The following MALRD1 variants were observed in gnomAD, a reference collection of about 807,000 sequenced individuals.
The protein encoded by MALRD1 is MAM and LDL receptor class A domain containing 1.
Under a neutral mutation model 242.1 loss-of-function variants are expected in MALRD1, and 247 were observed. The observed-to-expected ratio is 1.02, with a 90% CI of 0.92 to 1.13. The LOEUF (loss-of-function observed/expected upper bound fraction) is 1.13, where lower values mean the gene tolerates loss of function less well. MALRD1 is among the 50% of genes most tolerant of loss of function. The pLI is 0.00. For missense variants in MALRD1, 2,989 were observed against 2,533.1 expected (o/e 1.18, Z -3.86); for synonymous variants, 995 against 866.6 (o/e 1.15, Z -2.60).
intron 32 of MALRD1, among the ~76,000 whole-genome samples, chr10:19,537,144 G>A (rs149116890): frequency 1.5e-3 from 224 of 152,302 alleles, no homozygotes; most frequent in African/African-American, 4.8e-3. Context: ...TTATGACCTT[G>A]TACATGATAA....
intron 14 of MALRD1, among the ~76,000 whole-genome samples, chr10:19,187,601 C>A (rs1424558548): frequency 6.6e-6 from 1 of 152,036 alleles, no homozygotes; most frequent in Non-Finnish European, 1.5e-5. Context: ...GGAAGAGCAG[C>A]CCACCTAGAG....
At chr10:19,248,401 A>T (rs968456146) in intron 18 of MALRD1, among the ~76,000 whole-genome samples, 3 of 148,866 alleles carry the variant, frequency 2.0e-5, no homozygotes, top group Non-Finnish European at 3.0e-5. Flanking sequence ...GAAAAAAAAA[A>T]AATAAAGTGT....
intron 32 of MALRD1, among the ~76,000 whole-genome samples, chr10:19,544,820 G>A (rs1835140761): frequency 6.6e-6 from 1 of 151,942 alleles, no homozygotes; most frequent in Non-Finnish European, 1.5e-5. Context: ...TCAATTCACA[G>A]TATGTTATCA....
At chr10:19,590,085 G>A (rs914013735) in intron 33 of MALRD1, among the ~76,000 whole-genome samples, 3 of 151,940 alleles carry the variant, frequency 2.0e-5, no homozygotes, top group Non-Finnish European at 4.4e-5. Context: ...GGACCAATGT[G>A]CTTTATCAAG....
intron 32 of MALRD1, among the ~76,000 whole-genome samples, chr10:19,566,188 G>C (rs370048689): frequency 2.0e-4 from 31 of 151,898 alleles, no homozygotes; most frequent in African/African-American, 7.2e-4. Flanking sequence ...GAATGCAGTG[G>C]CATGATCTCC....
intron 26 of MALRD1, among the ~76,000 whole-genome samples, chr10:19,355,859 T>TATATATATATATATATACATAC (rs1348787430): frequency 5.5e-5 from 1 of 18,262 alleles, no homozygotes; most frequent in Non-Finnish European, 8.7e-5. Context: ...ATATATATAT[T>TATATATATATATATATACATAC]ATATATGATA....
chr10:19,051,237 T>G (rs2131196317), intron 1 of MALRD1, among the ~76,000 whole-genome samples: 1 of 152,210 alleles, frequency 6.6e-6, no homozygotes, highest in Admixed American at 6.5e-5. Flanking sequence ...ATGGCTAAAC[T>G]TATAGATTAG....
intron 7 of MALRD1, among the ~76,000 whole-genome samples, chr10:19,126,711 A>G (rs930045743): frequency 6.7e-6 from 1 of 149,888 alleles, no homozygotes; most frequent in Non-Finnish European, 1.5e-5. Flanking sequence ...ATTATTTTTT[A>G]TTTTTTTTTA....
intron 33 of MALRD1, among the ~76,000 whole-genome samples, chr10:19,587,117 T>C (rs558052514): frequency 3.5e-4 from 54 of 152,280 alleles, no homozygotes; most frequent in African/African-American, 9.6e-4. Flanking sequence ...CTGACCTGCG[T>C]CCACTGTCTG....
At chr10:19,227,255 A>G (rs1000108082) in intron 18 of MALRD1, among the ~76,000 whole-genome samples, 1 of 152,070 alleles carries the variant, frequency 6.6e-6, no homozygotes, top group African/African-American at 2.4e-5. Context: ...GTAAAGCTAC[A>G]CTAACCAGTA....
At chr10:19,431,657 C>A (rs1834132516) in intron 28 of MALRD1, among the ~76,000 whole-genome samples, 1 of 152,156 alleles carries the variant, frequency 6.6e-6, no homozygotes, top group African/African-American at 2.4e-5. Flanking sequence ...GTACAAGCAT[C>A]TTGGCTTGGA....
At chr10:19,173,862 G>A (rs1474616254) in intron 13 of MALRD1, among the ~76,000 whole-genome samples, 2 of 152,066 alleles carry the variant, frequency 1.3e-5, no homozygotes, top group Admixed American at 1.3e-4. Flanking sequence ...TTATGATGTA[G>A]GGTAGTGAAT....
intron 31 of MALRD1, among the ~76,000 whole-genome samples, chr10:19,506,594 A>G (rs1258023875): frequency 1.3e-5 from 2 of 152,144 alleles, no homozygotes; most frequent in African/African-American, 4.8e-5. Flanking sequence ...ATATATATAT[A>G]TATTTCCATA....
chr10:19,534,477 A>G (rs1289275446), intron 32 of MALRD1, among the ~76,000 whole-genome samples: 4 of 151,916 alleles, frequency 2.6e-5, no homozygotes, highest in Admixed American at 2.6e-4. Flanking sequence ...CTGCAGGACC[A>G]CTCCTTATAA....
chr10:19,380,428 T>A (rs1191749589), intron 26 of MALRD1, among the ~76,000 whole-genome samples: 2 of 152,032 alleles, frequency 1.3e-5, no homozygotes, highest in Non-Finnish European at 2.9e-5. Context: ...TATGAATTAT[T>A]CCCCTCAGCT....
At chr10:19,072,173 A>G (rs890488214) in intron 2 of MALRD1, among the ~76,000 whole-genome samples, 2 of 152,180 alleles carry the variant, frequency 1.3e-5, no homozygotes, top group Non-Finnish European at 2.9e-5. Flanking sequence ...GGGAGCATCT[A>G]TACTGTTTGT....
rs1839578251 is a variant in MALRD1, at chr10:19,257,697, C to T, written c.3005C>T (p.Ala1002Val). 6.5e-7 allele frequency: 1 copy of T among 1,537,626 alleles called. No homozygotes were observed. Among genetic ancestry groups the T allele is most frequent in the African/African-American group, 1.4e-5 (1 of 72,878 alleles). Residue 1002 changes from alanine (A) to valine (V), a missense_variant, in exon 19 of 40, where the codon GCT (alanine) becomes GTT (valine). Coordinates refer to ENST00000454679, the MANE Select transcript of MALRD1 (RefSeq NM_001142308.3). ...TTATTTTTTTAGATATTGGTGGAGG[C>T]TTCAGTGGGAGATGGCTTCACTGGA... ...SRQPFQILVE[A>V]SVGDGFTGDI...
intron 31 of MALRD1, among the ~76,000 whole-genome samples, chr10:19,506,377 C>G (rs931175603): frequency 2.0e-5 from 3 of 152,126 alleles, no homozygotes; most frequent in Non-Finnish European, 4.4e-5. Flanking sequence ...TCTCATTGCT[C>G]TTTAGAGAAC....
chr10:19,667,842 G>A (rs1841742856), intron 36 of MALRD1, among the ~76,000 whole-genome samples: 1 of 152,112 alleles, frequency 6.6e-6, no homozygotes, highest in African/African-American at 2.4e-5. Context: ...ATACACCATA[G>A]AAGGGGTAAC....
Sources: gnomAD v4.1 joint callset for allele counts (sites outside exome capture counted in the v4.1 genomes callset) on GRCh38, gnomAD v4.1.1 for gene constraint, MANE v1.5 for transcripts, NCBI Gene and HGNC (gene_info 2026-07-23, HGNC 2026-07-21) for gene names.